Variants in NLRP14 observed in about 807,000 individuals in gnomAD.
The protein encoded by NLRP14 is NACHT, LRR and PYD domains-containing protein 14.
NLRP14 carries 105 observed loss-of-function variants against 94.7 expected under a neutral mutation model. That is an observed-to-expected ratio of 1.11 (90% CI 0.95 to 1.30). The LOEUF (loss-of-function observed/expected upper bound fraction) is 1.30, where lower values mean the gene tolerates loss of function less well. Ranked by LOEUF, NLRP14 falls within the 50% of genes most tolerant of loss-of-function variation. The probability of loss-of-function intolerance (pLI) is 0.00; values close to 1 mark genes in which losing one functional copy is unlikely to be tolerated. For missense variants in NLRP14, 1,362 were observed against 1,254.1 expected (o/e 1.09, Z -1.30); for synonymous variants, 508 against 459.9 (o/e 1.10, Z -1.34).
intron 1 of NLRP14, among the ~76,000 whole-genome samples, chr11:7,030,148 G>A (rs762894874): frequency 3.3e-5 from 5 of 152,224 alleles, no homozygotes; most frequent in Non-Finnish European, 5.9e-5. Flanking sequence ...TTACCCATGT[G>A]ATCCAGAGGT....
Position 7,070,330 on chromosome 11 carries a change from C to T in NLRP14, c.3020C>T (p.Ser1007Phe), listed in dbSNP as rs1357655285. Residue 1007 changes from serine (S) to phenylalanine (F), a missense_variant, in exon 11 of 12, where the codon TCC becomes TTC. Physicochemically the swap from Ser to Phe is radical, Grantham distance 155 (BLOSUM62 -2). Coordinates refer to ENST00000299481, the MANE Select transcript of NLRP14 (RefSeq NM_176822.4). Reference protein sequence around the residue: ...GLTSLCCQDLSSALICNKRLI... With the variant: ...GLTSLCCQDLFSALICNKRLI... Reference sequence around the variant, plus strand: ...ACATCTCTCTGCTGTCAAGATCTCTCCTCTGCTCTTATCTGCAACAAAAGA... The same window carrying T: ...ACATCTCTCTGCTGTCAAGATCTCTTCTCTGCTCTTATCTGCAACAAAAGA... The T allele has an allele frequency of 6.2e-7, 1 of 1,611,588 alleles. No homozygotes were observed. The highest frequency in any genetic ancestry group is 1.3e-5 in the African/African-American group (1 of 74,958).
At chr11:7,084,842 T>C in the NLRP14 span, among the ~76,000 whole-genome samples, 1 of 152,160 alleles carries the variant, frequency 6.6e-6, no homozygotes, top group Admixed American at 6.5e-5. Context: ...GTAGGTCATC[T>C]GGGGATCCAC....
the NLRP14 span, among the ~76,000 whole-genome samples, chr11:7,080,844 CT>C: frequency 5.4e-4 from 82 of 152,226 alleles, no homozygotes; most frequent in Non-Finnish European, 9.4e-4. Context: ...AGAGGTGCTC[CT>C]GGCCGATTGT....
At chr11:7,090,304 G>A in the NLRP14 span, 253 of 1,587,200 alleles carry the variant, frequency 1.6e-4, no homozygotes, top group Middle Eastern at 5.5e-3. Context: ...TACTAAGCAG[G>A]AACAGACTTG....
Position 7,042,416 on chromosome 11 carries a change from A to G in NLRP14, c.390A>G (p.Ile130Met). 6.2e-7 allele frequency: 1 copy of G among 1,613,994 alleles called. No individual in the cohort carries two copies. Among genetic ancestry groups the G allele is most frequent in the Non-Finnish European group, 8.5e-7 (1 of 1,179,878 alleles). Reference sequence around the variant, plus strand: ...ATGGAACAGAATACAGAAATAGAATAAAGGAAAAATTTTGCATCACTTGGG... The same window carrying G: ...ATGGAACAGAATACAGAAATAGAATGAAGGAAAAATTTTGCATCACTTGGG... ...LGDGTEYRNR[I>M]KEKFCITWDK... Residue 130 changes from isoleucine to methionine, a missense_variant, in exon 4 of 12, where the codon ATA becomes ATG. Transcript: ENST00000299481.
intron 10 of NLRP14, among the ~76,000 whole-genome samples, chr11:7,065,162 C>T (rs753585675): frequency 2.6e-5 from 4 of 152,100 alleles, no homozygotes; most frequent in Non-Finnish European, 5.9e-5. Context: ...CGTATTGAAT[C>T]GAATTGCATT....
chr11:7,081,059 G>A, the NLRP14 span, among the ~76,000 whole-genome samples: 26 of 152,242 alleles, frequency 1.7e-4, no homozygotes, highest in East Asian at 3.1e-3. Flanking sequence ...CTTCCTGGCC[G>A]GAGGGGTCTT....
chr11:7,059,371 A>G (rs1852575077), intron 8 of NLRP14, among the ~76,000 whole-genome samples: 1 of 151,932 alleles, frequency 6.6e-6, no homozygotes, highest in East Asian at 1.9e-4. Context: ...AAATACACAT[A>G]TGTCATCTCA....
At chr11:7,074,229 G>A (rs147556446), downstream of NLRP14, among the ~76,000 whole-genome samples, 117 of 152,302 alleles carry the variant, frequency 7.7e-4, 4 homozygotes, top group East Asian at 0.021. Flanking sequence ...AATGGTTTTC[G>A]TGAAAATTTG....
Position 7,042,541 on chromosome 11 carries a change from C to T in NLRP14, c.515C>T (p.Thr172Ile). The change falls in exon 4 of 12, where the codon ACC becomes ATC. Residue 172 changes from threonine to isoleucine, a missense_variant. Coordinates refer to ENST00000299481, the MANE Select transcript of NLRP14 (RefSeq NM_176822.4). Reference protein sequence around the residue: ...LEHLFDVDVKTGAQPQIVVLQ... With the variant: ...LEHLFDVDVKIGAQPQIVVLQ... ...CACTTGTTCGATGTGGATGTCAAAA[C>T]CGGTGCACAGCCACAGATCGTGGTG... 3.1e-6 allele frequency: 5 copies of T among 1,614,172 alleles called. No homozygotes were observed. The highest frequency in any genetic ancestry group is 4.2e-6 in the Non-Finnish European group (5 of 1,180,002).
chr11:7,021,024 T>C (rs891474969), intron 1 of NLRP14, among the ~76,000 whole-genome samples: 3 of 152,206 alleles, frequency 2.0e-5, no homozygotes, highest in Non-Finnish European at 2.9e-5. Context: ...GAAAATACTT[T>C]CGCATCTTTG....
At position 7,051,737 on chromosome 11, in the gene NLRP14, C is replaced by T. The variant is rs577381033; in HGVS notation, c.2291+1899C>T. On this transcript the variant is annotated intron_variant, in intron 6 of 11. Transcript: ENST00000299481. ...TCCTGGGTTCAAGCGATTCTCCTGC[C>T]TCAGCCTCCTGAGTAGCTGGGACTA... Among the ~76,000 whole-genome samples the T allele has an allele frequency of 2.0e-5, 3 of 152,318 alleles. No individual in the cohort carries two copies. In the East Asian group the frequency reaches 5.8e-4, roughly 29 times the overall value.
At chr11:7,046,956 A>C in intron 5 of NLRP14, 124 bp downstream of exon 5, 1 of 788,640 alleles carries the variant, frequency 1.3e-6, no homozygotes, top group South Asian at 1.4e-5. Context: ...TTGTAAAATA[A>C]ACAGGAACAA....
At chr11:7,040,701 C>G (rs1335046623) in intron 3 of NLRP14, among the ~76,000 whole-genome samples, 1 of 152,144 alleles carries the variant, frequency 6.6e-6, no homozygotes, top group Non-Finnish European at 1.5e-5. Context: ...CAGCCACATT[C>G]TAACAAGCCA....
At chr11:7,052,933 C>T (rs1852462712) in intron 6 of NLRP14, among the ~76,000 whole-genome samples, 1 of 152,208 alleles carries the variant, frequency 6.6e-6, no homozygotes, top group Non-Finnish European at 1.5e-5. Context: ...AGAGACTAAA[C>T]TACCAGTCCT....
At chr11:7,089,807 G>C in the NLRP14 span, 1 of 1,606,220 alleles carries the variant, frequency 6.2e-7, no homozygotes, top group Non-Finnish European at 8.5e-7. Flanking sequence ...GCGAACCCCG[G>C]GGTTTTGCCC....
chr11:7,062,654 G>C (rs925214374), intron 10 of NLRP14, 151 bp downstream of exon 10: 6 of 741,758 alleles, frequency 8.1e-6, no homozygotes. Context: ...CAAATAAATG[G>C]ATCAATGTAC....
intron 1 of NLRP14, among the ~76,000 whole-genome samples, chr11:7,023,700 C>T (rs1851976925): frequency 6.6e-6 from 1 of 151,960 alleles, no homozygotes; most frequent in Non-Finnish European, 1.5e-5. Flanking sequence ...GGTTTAATCT[C>T]ACAGTTCTGC....
chr11:7,045,111 C>A (rs113736855), intron 4 of NLRP14, among the ~76,000 whole-genome samples: 1,551 of 152,298 alleles, frequency 0.01, 13 homozygotes, highest in Non-Finnish European at 0.016. Flanking sequence ...TATACAATTG[C>A]AGAATCACTC....
Sources: gnomAD v4.1 joint callset for allele counts (sites outside exome capture counted in the v4.1 genomes callset) on GRCh38, gnomAD v4.1.1 for gene constraint, MANE v1.5 for transcripts, NCBI Gene and HGNC (gene_info 2026-07-23, HGNC 2026-07-21) for gene names.